SLC14A2: variants seen among roughly 807,000 people sequenced by gnomAD.
SLC14A2 encodes urea transporter 2.
A neutral mutation model predicts 104.6 loss-of-function variants in SLC14A2; 91 were observed. The observed-to-expected ratio is 0.87, with a 90% CI of 0.73 to 1.04. The LOEUF is 1.04. Among genes scored for constraint, SLC14A2 ranks in the 50% least tolerant of loss-of-function variants. SLC14A2 has a pLI of 0.00. For synonymous variants in SLC14A2, 476 were observed against 466.4 expected (o/e 1.02, Z -0.27); for missense variants, 1,189 against 1,156.0 (o/e 1.03, Z -0.41).
At chr18:45,637,304 C>T (rs1165216624) in intron 6 of SLC14A2, 122 bp downstream of exon 6, 1 of 721,386 alleles carries the variant, frequency 1.4e-6, no homozygotes, top group African/African-American at 1.8e-5. Flanking sequence ...AGATGATGGG[C>T]CTCAGCAGGG....
At chr18:45,215,287 C>T (rs1347464403) in intron 1 of SLC14A2, among the ~76,000 whole-genome samples, 1 of 152,140 alleles carries the variant, frequency 6.6e-6, no homozygotes. Flanking sequence ...GCCTTACACG[C>T]CTGTCTTACA....
intron 2 of SLC14A2, among the ~76,000 whole-genome samples, chr18:45,502,916 GTT>G (rs1305401201): frequency 7.0e-6 from 1 of 143,404 alleles, no homozygotes; most frequent in African/African-American, 2.5e-5. Context: ...CCTATTTCTG[GTT>G]TTTTTTTTTT....
chr18:45,561,888 A>C (rs1292341499), intron 2 of SLC14A2, among the ~76,000 whole-genome samples: 1 of 150,302 alleles, frequency 6.7e-6, no homozygotes, highest in Non-Finnish European at 1.5e-5. Flanking sequence ...GGATCTATAT[A>C]GATTGATGAT....
chr18:45,236,333 GTATATA>G (rs370411600), intron 1 of SLC14A2, among the ~76,000 whole-genome samples: 1 of 26,534 alleles, frequency 3.8e-5, no homozygotes, highest in South Asian at 1.2e-3. Flanking sequence ...ATGTATGTGT[GTATATA>G]TGTGTATATA....
intron 2 of SLC14A2, among the ~76,000 whole-genome samples, chr18:45,607,105 G>T (rs2044884568): frequency 6.6e-6 from 1 of 151,404 alleles, no homozygotes; most frequent in African/African-American, 2.4e-5. Flanking sequence ...TTTAAATGTT[G>T]TCTCTGCATT....
At chr18:45,300,786 A>C (rs752222813) in intron 1 of SLC14A2, among the ~76,000 whole-genome samples, 6 of 152,194 alleles carry the variant, frequency 3.9e-5, no homozygotes, top group Admixed American at 1.3e-4. Flanking sequence ...TGGGAAGTGC[A>C]TTCCTTGCCT....
chr18:45,682,584 TAA>T lies in SLC14A2; in HGVS notation c.*66_*67del. The T allele has an allele frequency of 7.5e-7, 1 of 1,340,668 alleles. No homozygotes were observed. Among genetic ancestry groups the T allele is most frequent in the Non-Finnish European group, 1.1e-6 (1 of 931,736 alleles). 83.0% of individuals were successfully genotyped at this position (1,340,668 alleles called of 1,614,324 possible). On this transcript the variant is annotated 3_prime_UTR_variant, in exon 20 of 20. Transcript: ENST00000255226. Reference sequence around the variant, plus strand: ...CAGCACGCCGTCCAGATCCCCAGGATAAGAGACCACTTAGCCTTCCCTTTGGT... The same window carrying T: ...CAGCACGCCGTCCAGATCCCCAGGATGAGACCACTTAGCCTTCCCTTTGGT...
chr18:45,246,222 G>A (rs774381865), intron 1 of SLC14A2, among the ~76,000 whole-genome samples: 3 of 152,128 alleles, frequency 2.0e-5, no homozygotes, highest in African/African-American at 4.8e-5. Context: ...CAATGAGAAG[G>A]TGCTGTCTGC....
At position 45,220,794 on chromosome 18, in the gene SLC14A2, AT is replaced by A. The variant is rs146509782; in HGVS notation, c.-125+7606del. On this transcript the variant is annotated intron_variant, in intron 1 of 20. Coordinates refer to the SLC14A2 transcript ENST00000586448. ...AGACTAGGTGGCTTAAGCAACAGAA[AT>A]TTATTTTCTTGTGGTTCTCGAGGCT... Among the ~76,000 whole-genome samples the A allele has an allele frequency of 5.2e-3, 796 of 152,306 alleles. 16 individuals carry two copies. The East Asian group carries it at 0.062, about 12-fold the overall frequency.
intron 2 of SLC14A2, among the ~76,000 whole-genome samples, chr18:45,524,175 A>T (rs1046630624): frequency 1.3e-5 from 2 of 152,074 alleles, no homozygotes; most frequent in African/African-American, 4.8e-5. Context: ...ACTATTACTT[A>T]TTCTTTACTA....
chr18:45,618,672 A>C (rs372560220), intron 1 of SLC14A2, among the ~76,000 whole-genome samples: 37 of 76,924 alleles, frequency 4.8e-4, no homozygotes, highest in African/African-American at 2.1e-3. Flanking sequence ...TCTGTCTCAA[A>C]AAAAAAAAAA....
chr18:45,297,209 G>A (rs1333078578), intron 1 of SLC14A2, among the ~76,000 whole-genome samples: 1 of 152,206 alleles, frequency 6.6e-6, no homozygotes, highest in Admixed American at 6.5e-5. Flanking sequence ...CTTGTTAGAA[G>A]GTGATATTTC....
chr18:45,537,366 A>C (rs1353772231), intron 2 of SLC14A2, among the ~76,000 whole-genome samples: 1 of 152,172 alleles, frequency 6.6e-6, no homozygotes, highest in Non-Finnish European at 1.5e-5. Flanking sequence ...TGAGCTATCA[A>C]GATAGACTTC....
intron 1 of SLC14A2, among the ~76,000 whole-genome samples, chr18:45,240,709 G>A (rs2084306628): frequency 6.6e-6 from 1 of 151,194 alleles, no homozygotes; most frequent in Non-Finnish European, 1.5e-5. Flanking sequence ...CCAGGCTGGA[G>A]TGCAGTGGAG....
intron 1 of SLC14A2, among the ~76,000 whole-genome samples, chr18:45,307,980 G>C (rs1433210804): frequency 6.6e-6 from 1 of 152,198 alleles, no homozygotes; most frequent in Non-Finnish European, 1.5e-5. Flanking sequence ...TGAAGAGGTA[G>C]CAGACACATC....
At chr18:45,315,126 C>T (rs534922598) in intron 1 of SLC14A2, among the ~76,000 whole-genome samples, 2 of 152,154 alleles carry the variant, frequency 1.3e-5, no homozygotes, top group Non-Finnish European at 2.9e-5. Flanking sequence ...CTGTATCTCA[C>T]TGCAGGTAGG....
At chr18:45,182,240 A>G in the SLC14A2 span, among the ~76,000 whole-genome samples, 1 of 152,010 alleles carries the variant, frequency 6.6e-6, no homozygotes, top group Admixed American at 6.6e-5. Flanking sequence ...TACGTTAGAA[A>G]AAATAATCAC....
chr18:45,480,930 A>AAT (rs147910850), intron 1 of SLC14A2, among the ~76,000 whole-genome samples: 11,944 of 150,534 alleles, frequency 0.079, 594 homozygotes, highest in East Asian at 0.2. Context: ...CAGTTTTTAA[A>AAT]ATATATATAT....
upstream of SLC14A2, among the ~76,000 whole-genome samples, chr18:45,210,057 A>T (rs970912542): frequency 6.6e-6 from 1 of 152,150 alleles, no homozygotes; most frequent in African/African-American, 2.4e-5. Flanking sequence ...TCAAATATCC[A>T]TGTAGGCAAC....
Sources: gnomAD v4.1 joint callset for allele counts (sites outside exome capture counted in the v4.1 genomes callset) on GRCh38, gnomAD v4.1.1 for gene constraint, MANE v1.5 for transcripts, NCBI Gene and HGNC (gene_info 2026-07-23, HGNC 2026-07-21) for gene names.